Variants in CMTM1 observed in about 807,000 individuals in gnomAD.
CMTM1 encodes CKLF like MARVEL transmembrane domain containing 1, also known as CKLF-like MARVEL transmembrane domain-containing protein 1.
In CMTM1, 16 loss-of-function variants were observed where a neutral mutation model predicts 17.8. That is an observed-to-expected ratio of 0.90 (90% CI 0.61 to 1.37). The LOEUF (loss-of-function observed/expected upper bound fraction) is 1.37. CMTM1 is among the 40% of genes most tolerant of loss of function. CMTM1 has a pLI of 0.00. For missense variants in CMTM1, 354 were observed against 375.6 expected, an observed-to-expected ratio of 0.94 and a Z score of 0.47; for synonymous variants, 169 against 154.6, an observed-to-expected ratio of 1.09 and a Z score of -0.69.
At chr16:66,573,364 C>T (rs544991881) in intron 2 of CMTM1, among the ~76,000 whole-genome samples, 2 of 152,142 alleles carry the variant, frequency 1.3e-5, no homozygotes, top group Non-Finnish European at 2.9e-5. Context: ...TACCAACTCG[C>T]CCCACTCTAG....
chr16:66,578,693 A>C (rs2014569760), intron 3 of CMTM1, 138 bp from the exon 4 acceptor site: 1 of 1,176,008 alleles, frequency 8.5e-7, no homozygotes, highest in South Asian at 1.6e-5. Flanking sequence ...GGCAGGCGCC[A>C]AGAAAGTAGT....
intron 2 of CMTM1, chr16:66,574,846 A>G: frequency 1.1e-5 from 7 of 644,722 alleles, no homozygotes; most frequent in Non-Finnish European, 1.3e-5. Context: ...AATTTTTAAA[A>G]AAGAATATTT....
chr16:66,568,758 C>T (rs570368742), intron 1 of CMTM1, among the ~76,000 whole-genome samples: 16 of 151,962 alleles, frequency 1.1e-4, no homozygotes, highest in African/African-American at 2.9e-4. Flanking sequence ...TAGTGACACG[C>T]GCCTGTAGTC....
rs2012378944 is a variant in CMTM1, at chr16:66,566,590, C to T, written c.77C>T (p.Ala26Val). The change falls in exon 1 of 4, where the codon GCC becomes GTC. Residue 26 changes from alanine (A) to valine (V), a missense_variant. Ala to Val is a moderately conservative substitution (Grantham distance 64). Coordinates refer to ENST00000379500, the MANE Select transcript of CMTM1 (RefSeq NM_052999.4). The surrounding 1 kb of genome is among the most constrained non-coding windows in gnomAD (Gnocchi z 4.9). ...TTGAAACAACCGGAGACTGCCGCAG[C>T]CCTGGCAAGTAGCGGCAGCGTAGTG... ...GNLKQPETAA[A>V]LASSGSVVSS... 9.9e-6 allele frequency: 16 copies of T among 1,614,046 alleles called. No homozygotes were observed. Among genetic ancestry groups the T allele is most frequent in the Non-Finnish European group, 1.4e-5 (16 of 1,179,980 alleles).
Position 66,578,730 on chromosome 16 carries a change from C to A in CMTM1, c.691-101C>A, listed in dbSNP as rs1232735925. On this transcript the variant is annotated intron_variant, in intron 3 of 3. Coordinates refer to ENST00000379500, the MANE Select transcript of CMTM1 (RefSeq NM_052999.4). ...AAGGGTCAGAGGGGACAGGAGGCCACCCGCAGCGCCCACCCTGGATAGGGA... is the reference window on the plus strand; with the variant it reads ...AAGGGTCAGAGGGGACAGGAGGCCAACCGCAGCGCCCACCCTGGATAGGGA... 8.6e-6 allele frequency: 13 copies of A among 1,510,188 alleles called. No homozygotes were observed. The East Asian group carries it at 2.8e-4, about 32-fold the overall frequency. 93.5% of individuals were successfully genotyped at this position (1,510,188 alleles called of 1,614,324 possible).
intron 2 of CMTM1, among the ~76,000 whole-genome samples, chr16:66,575,555 C>T (rs1390515050): frequency 2.0e-5 from 3 of 152,150 alleles, no homozygotes; most frequent in Non-Finnish European, 4.4e-5. Flanking sequence ...TCATTTCCTC[C>T]TTATTTGGGT....
rs533051435 is a variant in CMTM1 at position 66,566,755 on chromosome 16, C to G, written c.242C>G (p.Ala81Gly). ...GAGGGCACCGCACCCTCAAGGAAAG[C>G]CACCACACGCCCACCCCCAAAGCCC... ...GSEGTAPSRK[A>G]TTRPPPKPTL... The change falls in exon 1 of 4, where the codon GCC (alanine) becomes GGC (glycine). Residue 81 changes from alanine (A) to glycine (G), a missense_variant. Ala to Gly is a moderately conservative substitution (Grantham distance 60). Coordinates refer to ENST00000379500, the MANE Select transcript of CMTM1 (RefSeq NM_052999.4). The surrounding 1 kb of genome is among the most constrained non-coding windows in gnomAD (Gnocchi z 4.9). The G allele has an allele frequency of 6.2e-7, 1 of 1,613,726 alleles. No individual in the cohort carries two copies. Among genetic ancestry groups the G allele is most frequent in the East Asian group, 2.2e-5 (1 of 44,866 alleles).
chr16:66,566,782 C>T lies in CMTM1; in HGVS notation c.269C>T (p.Thr90Ile). Residue 90 changes from threonine to isoleucine, a missense_variant, in exon 1 of 4, where the codon ACA becomes ATA. Physicochemically the swap from Thr to Ile is moderately conservative, Grantham distance 89. Coordinates refer to ENST00000379500, the MANE Select transcript of CMTM1 (RefSeq NM_052999.4). The surrounding 1 kb of genome is among the most constrained non-coding windows in gnomAD (Gnocchi z 4.9). Reference sequence around the variant, plus strand: ...ACCACACGCCCACCCCCAAAGCCCACACTCCCACCCCCCACGCCCTCTGCA... The same window carrying T: ...ACCACACGCCCACCCCCAAAGCCCATACTCCCACCCCCCACGCCCTCTGCA... ...KATTRPPPKPTLPPPTPSAHT... is the reference protein window; with the variant it reads ...KATTRPPPKPILPPPTPSAHT... 6.2e-7 allele frequency: 1 copy of T among 1,613,292 alleles called. No individual in the cohort carries two copies. The highest frequency in any genetic ancestry group is 1.3e-5 in the African/African-American group (1 of 74,958).
intron 1 of CMTM1, chr16:66,567,265 G>T (rs2012672205): frequency 7.2e-6 from 3 of 417,288 alleles, no homozygotes; most frequent in South Asian, 6.8e-5. Flanking sequence ...CCATCAACTC[G>T]TCACCTACAT....
chr16:66,575,214 T>A (rs1159650082), intron 2 of CMTM1: 2 of 985,278 alleles, frequency 2.0e-6, no homozygotes, highest in East Asian at 1.1e-4. Context: ...GAGTTTACTA[T>A]CTGTTAACAT....
At chr16:66,568,372 T>G (rs1222480706) in intron 1 of CMTM1, among the ~76,000 whole-genome samples, 1 of 152,170 alleles carries the variant, frequency 6.6e-6, no homozygotes, top group Non-Finnish European at 1.5e-5. Context: ...GTGACAAAAT[T>G]CAACATTTGT....
intron 2 of CMTM1, among the ~76,000 whole-genome samples, chr16:66,573,513 T>C (rs536222478): frequency 6.6e-6 from 1 of 152,280 alleles, no homozygotes; most frequent in South Asian, 2.1e-4. Flanking sequence ...GTGAAGCAGA[T>C]GTTTTTGCCA....
In CMTM1 at chr16:66,566,701, C is replaced by A. The variant is rs975460384; in HGVS notation, c.188C>A (p.Ser63Tyr). ...HPAVSIRSAQ[S>Y]AAAARPQGSE... ...GCAGTCTCAATTCGCAGTGCGCAGT[C>A]CGCAGCCGCCGCACGTCCCCAAGGC... Residue 63 changes from serine (S) to tyrosine (Y), a missense_variant, in exon 1 of 4, where the codon TCC becomes TAC. By Grantham distance (144) the Ser-to-Tyr change is moderately radical. Transcript: ENST00000379500. The surrounding 1 kb of genome is among the most constrained non-coding windows in gnomAD (Gnocchi z 4.9). 1 of 1,614,046 alleles carries A rather than the reference C, an allele frequency of 6.2e-7. No homozygotes were observed. Among genetic ancestry groups the A allele is most frequent in the Admixed American group, 1.7e-5 (1 of 60,016 alleles).
intron 2 of CMTM1, among the ~76,000 whole-genome samples, chr16:66,573,687 T>TTC (rs1438541075): frequency 1.4e-5 from 2 of 144,846 alleles, no homozygotes; most frequent in African/African-American, 5.1e-5. Flanking sequence ...GTTTTTCTTT[T>TTC]TTTTTTTTTT....
intron 3 of CMTM1, 57 bp from the exon 4 acceptor site, chr16:66,578,774 A>G: frequency 5.6e-6 from 9 of 1,593,542 alleles, no homozygotes; most frequent in Admixed American, 1.7e-5. Context: ...AGAGGTTGCT[A>G]CTGAGCTGCA....
intron 2 of CMTM1, among the ~76,000 whole-genome samples, chr16:66,573,761 A>G (rs951461324): frequency 7.2e-6 from 1 of 138,566 alleles, no homozygotes; most frequent in South Asian, 2.2e-4. Context: ...ATCTCGGCTC[A>G]CTGCAAGCTC....
At chr16:66,572,178 G>A (rs1345600676) in intron 2 of CMTM1, among the ~76,000 whole-genome samples, 1 of 152,020 alleles carries the variant, frequency 6.6e-6, no homozygotes, top group Admixed American at 6.5e-5. Flanking sequence ...GCTTCATGGT[G>A]GGGAAACTCT....
intron 2 of CMTM1, among the ~76,000 whole-genome samples, chr16:66,574,273 G>T (rs527481088): frequency 6.6e-6 from 1 of 152,322 alleles, no homozygotes; most frequent in East Asian, 1.9e-4. Context: ...AAGCTCAGCT[G>T]CAATTTTAAC....
Position 66,570,142 on chromosome 16 carries a change from C to T in CMTM1, c.591+48C>T, listed in dbSNP as rs865944519. On this transcript the variant is annotated intron_variant, in intron 2 of 3. Transcript: ENST00000379500. ...CTTCAAATCCAAGCTTTGCCCTCAG[C>T]CCCAGAGTAAGGGCTCTCCTTAAGT... 29 of 1,469,248 alleles carry T rather than the reference C, an allele frequency of 2.0e-5. 3 individuals carry two copies. In the Middle Eastern group the frequency reaches 5.0e-3, roughly 254 times the overall value. 91.0% of individuals were successfully genotyped at this position (1,469,248 alleles called of 1,614,324 possible). A position where few individuals can be genotyped will look rare whatever the true frequency, so the allele number is the denominator to read the frequency against.
Sources: allele counts gnomAD v4.1 joint callset (sites outside exome capture counted in the v4.1 genomes callset), GRCh38; gene constraint gnomAD v4.1.1; non-coding constraint Gnocchi (gnomAD v3.1); transcripts MANE v1.5; gene names NCBI Gene and HGNC (gene_info 2026-07-23, HGNC 2026-07-21).